SLC23A2: variants seen among roughly 807,000 people sequenced by gnomAD.
The protein encoded by SLC23A2 is solute carrier family 23 member 2, also known as Na(+)/L-ascorbic acid transporter 2.
Under a neutral mutation model 73.3 loss-of-function variants are expected in SLC23A2, and 36 were observed. The ratio of observed to expected loss-of-function variants is 0.49; its 90% CI spans 0.38 to 0.65. SLC23A2 has a LOEUF of 0.65. Among genes scored for constraint, SLC23A2 ranks in the 30% least tolerant of loss-of-function variants. SLC23A2 has a pLI of 0.00. For missense variants in SLC23A2, 507 were observed against 841.6 expected, an observed-to-expected ratio of 0.60 and a Z score of 4.92; for synonymous variants, 343 against 327.3, an observed-to-expected ratio of 1.05 and a Z score of -0.52.
chr20:4,923,066 A>G (rs1307345976), intron 3 of SLC23A2, among the ~76,000 whole-genome samples: 1 of 152,122 alleles, frequency 6.6e-6, no homozygotes. Flanking sequence ...AATATGATAA[A>G]CTTATCTGAA....
chr20:4,879,871 G>A (rs1475237664), intron 9 of SLC23A2, among the ~76,000 whole-genome samples: 2 of 152,318 alleles, frequency 1.3e-5, no homozygotes, highest in South Asian at 2.1e-4. Flanking sequence ...TTATAGATGT[G>A]TGACATTTAA....
chr20:4,974,643 C>T (rs2087615479), intron 1 of SLC23A2, among the ~76,000 whole-genome samples: 1 of 152,028 alleles, frequency 6.6e-6, no homozygotes, highest in South Asian at 2.1e-4. Flanking sequence ...TTATTTTTAA[C>T]CTTATACTAC....
chr20:4,987,754 A>T (rs2087855428), intron 1 of SLC23A2, among the ~76,000 whole-genome samples: 1 of 151,898 alleles, frequency 6.6e-6, no homozygotes, highest in Non-Finnish European at 1.5e-5. Context: ...AGGCTGAGGC[A>T]GGAGAATGGC....
At position 4,961,335 on chromosome 20, in the gene SLC23A2, G is replaced by A. The variant is rs1432962082; in HGVS notation, c.-155+9458C>T. On this transcript the variant is annotated intron_variant, in intron 2 of 16. Coordinates refer to ENST00000338244, the MANE Select transcript of SLC23A2 (RefSeq NM_005116.6). ...CTGACCTCATGATCCGCCCACCTTG[G>A]CCTCCCAAAGTGCTGGGATTACAGG... Among the ~76,000 whole-genome samples the A allele has an allele frequency of 2.0e-5, 3 of 151,984 alleles. No homozygotes were observed. The East Asian group carries it at 5.8e-4, about 29-fold the overall frequency.
intron 1 of SLC23A2, among the ~76,000 whole-genome samples, chr20:4,978,580 C>A (rs2087679753): frequency 6.6e-6 from 1 of 152,174 alleles, no homozygotes; most frequent in South Asian, 2.1e-4. Flanking sequence ...CAACCTGGCC[C>A]CCCATTGGCA....
intron 6 of SLC23A2, among the ~76,000 whole-genome samples, chr20:4,886,910 C>T (rs896858607): frequency 1.3e-5 from 2 of 152,178 alleles, no homozygotes; most frequent in Non-Finnish European, 2.9e-5. Context: ...GCAGCAAGTC[C>T]TACCCACAGT....
At chr20:4,932,743 A>G in intron 2 of SLC23A2, 27 bp from the exon 3 acceptor site, 2 of 572,924 alleles carry the variant, frequency 3.5e-6, no homozygotes, top group East Asian at 5.8e-5. Flanking sequence ...CAGCCAAATC[A>G]CCCCAAAGCA....
intron 2 of SLC23A2, among the ~76,000 whole-genome samples, chr20:4,951,008 CCCA>C (rs1237784589): frequency 2.0e-5 from 3 of 152,064 alleles, no homozygotes; most frequent in African/African-American, 7.2e-5. Flanking sequence ...GGGCAGGAGA[CCCA>C]CCACCACAAG....
At chr20:4,991,904 G>A (rs1282765561) in intron 1 of SLC23A2, among the ~76,000 whole-genome samples, 7 of 152,034 alleles carry the variant, frequency 4.6e-5, no homozygotes, top group Non-Finnish European at 8.8e-5. Context: ...CCCATTAACA[G>A]TATTTTGACA....
intron 2 of SLC23A2, among the ~76,000 whole-genome samples, chr20:4,944,506 G>A (rs768866731): frequency 3.3e-5 from 5 of 152,140 alleles, no homozygotes; most frequent in Admixed American, 6.5e-5. Flanking sequence ...CAAAGTGCTG[G>A]GATTACAGGC....
intron 1 of SLC23A2, among the ~76,000 whole-genome samples, chr20:4,971,828 T>A (rs535181757): frequency 6.6e-6 from 1 of 151,988 alleles, no homozygotes; most frequent in Non-Finnish European, 1.5e-5. Context: ...AGTTGGGATT[T>A]CTCCATTGAT....
At chr20:4,967,234 T>C (rs1464915336) in intron 2 of SLC23A2, among the ~76,000 whole-genome samples, 2 of 152,190 alleles carry the variant, frequency 1.3e-5, no homozygotes, top group African/African-American at 4.8e-5. Flanking sequence ...CAAAATAATA[T>C]GTGTATTTAA....
chr20:4,898,615 C>A (rs1031267495), intron 6 of SLC23A2, among the ~76,000 whole-genome samples: 1 of 152,040 alleles, frequency 6.6e-6, no homozygotes, highest in Non-Finnish European at 1.5e-5. Context: ...GGCTGCACTG[C>A]GAAGAGGGGA....
At chr20:4,966,855 C>CACACACACAG (rs1233472715) in intron 2 of SLC23A2, among the ~76,000 whole-genome samples, 2 of 147,388 alleles carry the variant, frequency 1.4e-5, no homozygotes, top group Non-Finnish European at 3.0e-5. Context: ...CACACACACA[C>CACACACACAG]AGGCATGGCC....
chr20:4,870,163 G>C, intron 11 of SLC23A2, 110 bp from the exon 12 acceptor site: 2 of 897,606 alleles, frequency 2.2e-6, no homozygotes, highest in Middle Eastern at 3.7e-4. Flanking sequence ...GATCCACTTG[G>C]ATTCTGAAGC....
At chr20:4,917,067 G>A (rs954270906) in intron 3 of SLC23A2, among the ~76,000 whole-genome samples, 3 of 152,304 alleles carry the variant, frequency 2.0e-5, no homozygotes, top group African/African-American at 7.2e-5. Context: ...TTGTATCCCA[G>A]GCAATGAGAA....
chr20:4,918,528 T>C (rs1932401071), intron 3 of SLC23A2, among the ~76,000 whole-genome samples: 2 of 152,196 alleles, frequency 1.3e-5, no homozygotes, highest in African/African-American at 2.4e-5. Flanking sequence ...GCTAAGACAA[T>C]GGTATTAAAG....
At position 4,987,764 on chromosome 20, in the gene SLC23A2, C is replaced by T. The variant is rs889446288; in HGVS notation, c.-282+13642G>A. The stretch of plus-strand genomic sequence containing the variant: ...TCGGGAGGCTGAGGCAGGAGAATGG[C>T]GTGAACTCTGGAGGCGGAGCTTGCA... On this transcript the variant is annotated intron_variant, in intron 1 of 16. Transcript: ENST00000338244. 5.3e-5 allele frequency among the ~76,000 whole-genome samples: 8 copies of T among 151,562 alleles called. No homozygotes were observed. In the South Asian group the frequency reaches 8.3e-4, roughly 16 times the overall value.
intron 6 of SLC23A2, among the ~76,000 whole-genome samples, chr20:4,897,621 C>T (rs373622234): frequency 1.3e-5 from 2 of 152,184 alleles, no homozygotes; most frequent in Admixed American, 1.3e-4. Flanking sequence ...AGGTGAACCA[C>T]GCTGACCCAG....
Sources: allele counts gnomAD v4.1 joint callset (sites outside exome capture counted in the v4.1 genomes callset), GRCh38; gene constraint gnomAD v4.1.1; transcripts MANE v1.5; gene names NCBI Gene and HGNC (gene_info 2026-07-23, HGNC 2026-07-21).